Variants in BICD1 observed in about 807,000 individuals in gnomAD.
The protein encoded by BICD1 is protein bicaudal D homolog 1.
Under a neutral mutation model 92.5 loss-of-function variants are expected in BICD1, and 35 were observed. The ratio of observed to expected loss-of-function variants is 0.38; its 90% CI spans 0.29 to 0.50. The LOEUF (loss-of-function observed/expected upper bound fraction) is 0.50. BICD1 is among the 20% of genes least tolerant of loss of function. The pLI is 0.93. For synonymous variants in BICD1, 429 were observed against 465.1 expected (o/e 0.92, Z 1.00); for missense variants, 950 against 1,189.8 (o/e 0.80, Z 2.97).
At chr12:32,193,498 C>A (rs935887446) in intron 1 of BICD1, among the ~76,000 whole-genome samples, 1 of 152,110 alleles carries the variant, frequency 6.6e-6, no homozygotes, top group African/African-American at 2.4e-5. Flanking sequence ...TGGTTTGGAA[C>A]TGGACCTGCA....
chr12:32,113,625 C>T (rs141354876), intron 1 of BICD1, among the ~76,000 whole-genome samples: 1 of 151,788 alleles, frequency 6.6e-6, no homozygotes, highest in East Asian at 1.9e-4. Context: ...CCCACTGCAA[C>T]CTTTGCCTCC....
intron 2 of BICD1, among the ~76,000 whole-genome samples, chr12:32,231,570 TA>T (rs1945888555): frequency 2.1e-5 from 1 of 47,598 alleles, no homozygotes; most frequent in Admixed American, 2.1e-4. Flanking sequence ...TTTATTTATT[TA>T]TTTATTTATT....
At chr12:32,142,448 TCTATC>T (rs1205727516) in intron 1 of BICD1, among the ~76,000 whole-genome samples, 5 of 51,078 alleles carry the variant, frequency 9.8e-5, no homozygotes, top group Non-Finnish European at 2.0e-4. Context: ...ACCCCACCTA[TCTATC>T]CTATCTATCT....
At chr12:32,153,964 A>C (rs1943364403) in intron 1 of BICD1, among the ~76,000 whole-genome samples, 1 of 152,056 alleles carries the variant, frequency 6.6e-6, no homozygotes, top group African/African-American at 2.4e-5. Flanking sequence ...TGCGGTAGCC[A>C]TGTGAACATT....
chr12:32,229,375 G>C (rs1398379523), intron 2 of BICD1, among the ~76,000 whole-genome samples: 1 of 152,146 alleles, frequency 6.6e-6, no homozygotes, highest in Non-Finnish European at 1.5e-5. Context: ...CTGAGCCCTG[G>C]GTCACTGCAG....
intron 1 of BICD1, among the ~76,000 whole-genome samples, chr12:32,146,809 T>TCCCTCCCTC (rs1943118266): frequency 1.9e-5 from 2 of 106,042 alleles, no homozygotes; most frequent in African/African-American, 7.3e-5. Flanking sequence ...CTTCCTCCTT[T>TCCCTCCCTC]CCTCCCTCCC....
At chr12:32,325,535 C>G (rs569287834) in intron 4 of BICD1, among the ~76,000 whole-genome samples, 84 of 152,110 alleles carry the variant, frequency 5.5e-4, no homozygotes, top group African/African-American at 2.0e-3. Context: ...CAGAACCTCG[C>G]CAAGAGAGGA....
intron 8 of BICD1, among the ~76,000 whole-genome samples, chr12:32,342,448 G>T (rs1361653516): frequency 1.3e-5 from 2 of 151,446 alleles, no homozygotes; most frequent in Non-Finnish European, 2.9e-5. Flanking sequence ...TAGAGATGGG[G>T]TTTCACAGTA....
intron 1 of BICD1, among the ~76,000 whole-genome samples, chr12:32,143,272 G>A (rs1943003676): frequency 6.6e-6 from 1 of 152,030 alleles, no homozygotes; most frequent in Non-Finnish European, 1.5e-5. Flanking sequence ...ATCTCCATTT[G>A]TGCCCTTCTC....
chr12:32,209,045 G>C (rs1197635582), intron 1 of BICD1, among the ~76,000 whole-genome samples: 1 of 151,980 alleles, frequency 6.6e-6, no homozygotes, highest in African/African-American at 2.4e-5. Flanking sequence ...ATGTTGGTCA[G>C]GTGGACCTTA....
intron 2 of BICD1, among the ~76,000 whole-genome samples, chr12:32,257,850 A>G (rs1946761245): frequency 6.6e-6 from 1 of 152,222 alleles, no homozygotes; most frequent in African/African-American, 2.4e-5. Context: ...TTTTGTTCTC[A>G]ATATATATAA....
intron 2 of BICD1, among the ~76,000 whole-genome samples, chr12:32,239,647 C>G (rs113842639): frequency 0.13 from 18,998 of 151,322 alleles, 1,977 homozygotes; most frequent in African/African-American, 0.28. Flanking sequence ...TGTTGCCCAG[C>G]CTGGAGTGCA....
intron 5 of BICD1, chr12:32,332,324 C>A: frequency 2.5e-6 from 1 of 406,118 alleles, no homozygotes; most frequent in Non-Finnish European, 3.3e-6. Context: ...ACCCCCATGA[C>A]ACACATTTAC....
intron 1 of BICD1, among the ~76,000 whole-genome samples, chr12:32,182,247 ATTGTT>A (rs1287836290): frequency 3.7e-5 from 4 of 108,322 alleles, no homozygotes; most frequent in Non-Finnish European, 8.6e-5. Flanking sequence ...TCTGTATTGT[ATTGTT>A]TTCTTTTTTC....
intron 2 of BICD1, among the ~76,000 whole-genome samples, chr12:32,269,156 T>A (rs1180307190): frequency 2.6e-5 from 4 of 152,160 alleles, no homozygotes; most frequent in Non-Finnish European, 4.4e-5. Context: ...ATTTTTTTTT[T>A]ATTTTCCCAA....
At chr12:32,174,049 A>T (rs571167894) in intron 1 of BICD1, among the ~76,000 whole-genome samples, 5 of 152,290 alleles carry the variant, frequency 3.3e-5, no homozygotes, top group Admixed American at 2.6e-4. Context: ...CTGTCATCAC[A>T]TTTCTGTTTT....
At chr12:32,134,144 A>G (rs1040224264) in intron 1 of BICD1, among the ~76,000 whole-genome samples, 40 of 152,170 alleles carry the variant, frequency 2.6e-4, no homozygotes, top group African/African-American at 8.9e-4. Flanking sequence ...TGTGCACTGT[A>G]GATTAGGAAC....
At chr12:32,369,838 CAA>C (rs1939664442) in intron 9 of BICD1, among the ~76,000 whole-genome samples, 1 of 151,792 alleles carries the variant, frequency 6.6e-6, no homozygotes, top group African/African-American at 2.4e-5. Flanking sequence ...CTCGGGAGGT[CAA>C]GACTGCAGCA....
chr12:32,115,156 C>G (rs1415444960), intron 1 of BICD1, among the ~76,000 whole-genome samples: 1 of 152,048 alleles, frequency 6.6e-6, no homozygotes, highest in Non-Finnish European at 1.5e-5. Context: ...TGCACCCAGC[C>G]TTTTCTATTT....
Sources: allele counts gnomAD v4.1 joint callset (sites outside exome capture counted in the v4.1 genomes callset), GRCh38; gene constraint gnomAD v4.1.1; transcripts MANE v1.5; gene names NCBI Gene and HGNC (gene_info 2026-07-23, HGNC 2026-07-21).